BID: variants seen among roughly 807,000 people sequenced by gnomAD.
The protein encoded by BID is BH3-interacting domain death agonist.
BID carries 19 observed loss-of-function variants against 17.4 expected under a neutral mutation model. The ratio of observed to expected loss-of-function variants is 1.09; its 90% CI spans 0.76 to 1.60. The LOEUF (loss-of-function observed/expected upper bound fraction) is 1.60, where lower values mean the gene tolerates loss of function less well. Among genes scored for constraint, BID ranks in the 40% most tolerant of loss-of-function variants. BID has a pLI of 0.00. For missense variants in BID, 226 were observed against 256.0 expected (o/e 0.88, Z 0.80); for synonymous variants, 108 against 102.8 (o/e 1.05, Z -0.31).
Position 17,743,912 on chromosome 22 carries a change from G to A in BID, c.114C>T (p.Asp38=), listed in dbSNP as rs200409062. The change falls in exon 3 of 6, where the codon GAC becomes GAT. Residue 38 remains aspartate, a synonymous_variant. Transcript: ENST00000622694. ...CSDNSFRREL[D]ALGHELPVLA... ...GCACTGGCAGCTCGTGGCCCAGTGC[G>A]TCCAGCTCTCTGCGGAAGCTGTTGT... 34 of 1,613,774 alleles carry A rather than the reference G, an allele frequency of 2.1e-5. 1 individual carries two copies. The highest frequency in any genetic ancestry group is 8.8e-5 in the South Asian group (8 of 91,088).
At position 17,744,070 on chromosome 22, in the gene BID, T is replaced by C. The variant is rs1439203091; in HGVS notation, c.13-57A>G. ...CTTCAGCCAGGCCAGAGGCCCCTCCTGCAAAGAGCTCCAGTTGCAGCTGGC... is the reference window on the plus strand; with the variant it reads ...CTTCAGCCAGGCCAGAGGCCCCTCCCGCAAAGAGCTCCAGTTGCAGCTGGC... On this transcript the variant is annotated intron_variant, in intron 2 of 5. Transcript: ENST00000622694. The C allele has an allele frequency of 4.8e-6, 7 of 1,465,266 alleles. No individual in the cohort carries two copies. The Admixed American group carries it at 1.0e-4, about 22-fold the overall frequency. The allele number at this position is 1,465,266 out of a possible 1,614,324, so 90.8% of individuals were successfully genotyped here.
At chr22:17,748,280 C>T (rs1296687) in intron 2 of BID, among the ~76,000 whole-genome samples, 28,880 of 148,410 alleles carry the variant, frequency 0.19, 2,897 homozygotes, top group Non-Finnish European at 0.21. Context: ...GAGGCCCAGA[C>T]GGGCGGATCA....
chr22:17,747,873 C>G (rs962376933), intron 2 of BID, among the ~76,000 whole-genome samples: 1 of 150,050 alleles, frequency 6.7e-6, no homozygotes, highest in South Asian at 2.1e-4. Context: ...GTCAAGAGGT[C>G]GAGAACATCC....
chr22:17,760,133 C>CAAA lies in BID; in HGVS notation c.-58-9962_-58-9960dup, dbSNP rs34899110. 9.2e-5 allele frequency among the ~76,000 whole-genome samples: 6 copies of CAAA among 65,156 alleles called. No homozygotes were observed. In the East Asian group the frequency reaches 1.2e-3, roughly 13 times the overall value. 42.7% of individuals were successfully genotyped at this position (65,156 alleles called of 152,430 possible). A position where few individuals can be genotyped will look rare whatever the true frequency, so the allele number is the denominator to read the frequency against. ...TGGGCGACAGAGTGAGACTCCATCT[C>CAAA]AAAAAAAAAAAAAAAAAAAGTTTCA... is the stretch of plus-strand genomic sequence containing the variant. On this transcript the variant is annotated intron_variant, in intron 1 of 5. Transcript: ENST00000622694.
At chr22:17,743,661 T>C (rs952407846) in intron 3 of BID, 142 bp downstream of exon 3, 3 of 826,628 alleles carry the variant, frequency 3.6e-6, no homozygotes, top group Non-Finnish European at 3.7e-6. Flanking sequence ...AGTCAAGTGA[T>C]TAAGTGATAC....
At position 17,734,196 on chromosome 22, in the gene BID, T is replaced by A. The variant is rs2061404409; in HGVS notation, c.*1384A>T. The A allele has an allele frequency of 1.3e-5, 2 of 152,234 alleles. No homozygotes were observed. Among genetic ancestry groups the A allele is most frequent in the African/African-American group, 4.8e-5 (2 of 41,460 alleles). 9.4% of individuals were successfully genotyped at this position (152,234 alleles called of 1,614,324 possible). On this transcript the variant is annotated 3_prime_UTR_variant, in exon 6 of 6. Transcript: ENST00000622694. The stretch of plus-strand genomic sequence containing the variant: ...GGCCTCCACACTGCGCGGCAGCACT[T>A]CTTTTTAGTATTTGTAAGCTTTTGC...
In BID at chr22:17,739,373, G is replaced by A. The variant is rs1029398209; in HGVS notation, c.339C>T (p.Leu113=). Residue 113 remains leucine (L), a synonymous_variant, in exon 4 of 6, where the codon CTC becomes CTT. Coordinates refer to ENST00000622694, the MANE Select transcript of BID (RefSeq NM_001196.4). ...CCTCCTCCGACCGGCTGGTGTTCCT[G>A]AGCTGCAGGGCCAGGCCGTTCACCA... is the stretch of plus-strand genomic sequence containing the variant. ...PGLVNGLALQ[L]RNTSRSEEDR... is the part of the protein sequence containing the mutation. The A allele has an allele frequency of 1.9e-6, 3 of 1,601,878 alleles. No homozygotes were observed. Among genetic ancestry groups the A allele is most frequent in the Non-Finnish European group, 2.6e-6 (3 of 1,176,048 alleles).
chr22:17,773,777 G>A lies in BID; in HGVS notation c.-59+604C>T. 1 of 1,234,618 alleles carries A rather than the reference G, an allele frequency of 8.1e-7. No homozygotes were observed. Among genetic ancestry groups the A allele is most frequent in the East Asian group, 2.5e-5 (1 of 39,784 alleles). 76.5% of individuals were successfully genotyped at this position (1,234,618 alleles called of 1,614,324 possible). On this transcript the variant is annotated intron_variant, in intron 1 of 5. Coordinates refer to ENST00000622694, the MANE Select transcript of BID (RefSeq NM_001196.4). This position sits in a 1 kb window ranked among gnomAD's most constrained non-coding sequence, Gnocchi z 4.4. ...CAGAGCTCTCCCAGGGTCCCCTGGGGTCATTCAGCCACTCAACAGTTTCCC... is the reference window on the plus strand; with the variant it reads ...CAGAGCTCTCCCAGGGTCCCCTGGGATCATTCAGCCACTCAACAGTTTCCC...
At position 17,738,169 on chromosome 22, in the gene BID, T is replaced by TGTC; in HGVS notation, c.421_423dup (p.Asp141dup). On this transcript the variant is annotated inframe_insertion, in exon 5 of 6. Transcript: ENST00000622694. ...ACCAGCATGGTCTTCTCCTTCTCCATGTCTCTAGGGTAGGCCTGCAGCAGC... is the reference window on the plus strand; with the variant it reads ...ACCAGCATGGTCTTCTCCTTCTCCATGTCGTCTCTAGGGTAGGCCTGCAGCAGC... 4 of 1,613,512 alleles carry TGTC rather than the reference T, an allele frequency of 2.5e-6. No individual in the cohort carries two copies. Among genetic ancestry groups the TGTC allele is most frequent in the Non-Finnish European group, 3.4e-6 (4 of 1,180,022 alleles).
chr22:17,739,946 C>T (rs906877754), intron 3 of BID: 18 of 927,150 alleles, frequency 1.9e-5, no homozygotes, highest in Non-Finnish European at 2.8e-5. Context: ...AGTCCCGTCT[C>T]AGGAAAACCC....
intron 2 of BID, among the ~76,000 whole-genome samples, chr22:17,748,839 C>T (rs2061515629): frequency 1.3e-5 from 2 of 152,240 alleles, no homozygotes; most frequent in South Asian, 2.1e-4. Context: ...GGAACAGCAG[C>T]GGCAGGTGGG....
At chr22:17,770,460 C>T (rs1464908682) in intron 1 of BID, among the ~76,000 whole-genome samples, 2 of 152,170 alleles carry the variant, frequency 1.3e-5, no homozygotes, top group East Asian at 1.9e-4. Context: ...CCTGGAACAC[C>T]GCCCATCCCG....
intron 1 of BID, among the ~76,000 whole-genome samples, chr22:17,765,203 G>A (rs770173682): frequency 6.8e-6 from 1 of 147,722 alleles, no homozygotes; most frequent in Non-Finnish European, 1.5e-5. Context: ...CCTCCACAGA[G>A]GACCCTGCGG....
intron 3 of BID, among the ~76,000 whole-genome samples, chr22:17,741,688 G>T (rs956587025): frequency 6.6e-6 from 1 of 151,950 alleles, no homozygotes; most frequent in Non-Finnish European, 1.5e-5. Context: ...ATCTTGGCTA[G>T]GGTGGTCTTG....
In BID at chr22:17,735,547, GC is replaced by G; in HGVS notation, c.*32del. On this transcript the variant is annotated 3_prime_UTR_variant, in exon 6 of 6. Transcript: ENST00000622694. ...AGCTATACAGCTGTGACCACATCGA[GC>G]TTTAGCCAGTCACACTTCTGGAACT... 6.2e-7 allele frequency: 1 copy of G among 1,614,012 alleles called. No individual in the cohort carries two copies. The highest frequency in any genetic ancestry group is 8.5e-7 in the Non-Finnish European group (1 of 1,179,934).
At chr22:17,761,794 A>G (rs1247572544) in intron 1 of BID, among the ~76,000 whole-genome samples, 1 of 152,242 alleles carries the variant, frequency 6.6e-6, no homozygotes, top group Non-Finnish European at 1.5e-5. Context: ...AAGACCATCA[A>G]GGCCAGCAAA....
intron 1 of BID, among the ~76,000 whole-genome samples, chr22:17,771,504 C>T (rs1047117688): frequency 1.6e-4 from 25 of 152,090 alleles, no homozygotes; most frequent in African/African-American, 5.1e-4. Context: ...CTTGACCTCC[C>T]GGGCTCGAGC....
intron 1 of BID, among the ~76,000 whole-genome samples, chr22:17,761,686 G>A (rs544724275): frequency 4.4e-4 from 67 of 152,112 alleles, no homozygotes; most frequent in South Asian, 1.7e-3. Context: ...CACCCGCCTC[G>A]GCCTCCCAAA....
At chr22:17,747,076 G>A (rs889011783) in intron 2 of BID, among the ~76,000 whole-genome samples, 7 of 152,146 alleles carry the variant, frequency 4.6e-5, no homozygotes, top group Non-Finnish European at 1.0e-4. Flanking sequence ...CGAGGCGGCA[G>A]GGAGGGAGAG....
Sources: allele counts gnomAD v4.1 joint callset (sites outside exome capture counted in the v4.1 genomes callset), GRCh38; gene constraint gnomAD v4.1.1; non-coding constraint Gnocchi (gnomAD v3.1); transcripts MANE v1.5; gene names NCBI Gene and HGNC (gene_info 2026-07-23, HGNC 2026-07-21).